The following GSE1 variants were observed in gnomAD, a reference collection of about 807,000 sequenced individuals.
The protein encoded by GSE1 is Gse1 coiled-coil protein, also known as genetic suppressor element 1.
A neutral mutation model predicts 112.6 loss-of-function variants in GSE1; 32 were observed. The ratio of observed to expected loss-of-function variants is 0.28; its 90% CI spans 0.21 to 0.38. GSE1 has a LOEUF of 0.38. Among genes scored for constraint, GSE1 ranks in the 10% least tolerant of loss-of-function variants. The pLI, the probability that GSE1 is intolerant of heterozygous loss-of-function variation, is 1.00. For missense variants in GSE1, 2,348 were observed against 1,699.2 expected, an observed-to-expected ratio of 1.38 and a Z score of -6.71; for synonymous variants, 1,115 against 735.6, an observed-to-expected ratio of 1.52 and a Z score of -8.35.
At chr16:85,361,978 C>T (rs2047091945) in intron 2 of GSE1, among the ~76,000 whole-genome samples, 1 of 152,240 alleles carries the variant, frequency 6.6e-6, no homozygotes, top group Admixed American at 6.5e-5. Context: ...TGGCCAGGCT[C>T]TCACCATGTG....
chr16:85,564,047 G>A (rs180826933), intron 1 of GSE1, among the ~76,000 whole-genome samples: 164 of 152,326 alleles, frequency 1.1e-3, no homozygotes, highest in African/African-American at 3.2e-3. Flanking sequence ...ACTGCGCTGC[G>A]TCAGTCCACT....
chr16:85,309,104 T>G (rs1369298343), intron 1 of GSE1, among the ~76,000 whole-genome samples: 1 of 151,686 alleles, frequency 6.6e-6, no homozygotes, highest in African/African-American at 2.4e-5. Flanking sequence ...GCTGCTGGTC[T>G]CAGCCGGTTT....
chr16:85,202,708 C>T (rs2075049993), intron 1 of GSE1, among the ~76,000 whole-genome samples: 1 of 152,250 alleles, frequency 6.6e-6, no homozygotes, highest in South Asian at 2.1e-4. Context: ...CCTGGGGGGC[C>T]TCTGGCCGGA....
intron 14 of GSE1, among the ~76,000 whole-genome samples, chr16:85,668,952 C>T (rs930913059): frequency 3.3e-5 from 5 of 152,240 alleles, no homozygotes; most frequent in Admixed American, 6.5e-5. Context: ...GAAGGCTTGC[C>T]GCCTCTCAGA....
intron 2 of GSE1, among the ~76,000 whole-genome samples, chr16:85,545,212 C>T (rs1307655533): frequency 1.3e-5 from 2 of 152,208 alleles, no homozygotes; most frequent in African/African-American, 4.8e-5. Context: ...CCAACACAGT[C>T]GCTGTCTGAT....
intron 2 of GSE1, among the ~76,000 whole-genome samples, chr16:85,464,764 C>T (rs539488278): frequency 6.6e-6 from 1 of 152,366 alleles, no homozygotes; most frequent in South Asian, 2.1e-4. Context: ...GCTGGAAGGG[C>T]CCTCACTTTG....
At chr16:85,256,962 T>C (rs912710676) in intron 1 of GSE1, among the ~76,000 whole-genome samples, 1 of 152,192 alleles carries the variant, frequency 6.6e-6, no homozygotes, top group African/African-American at 2.4e-5. Flanking sequence ...GAAGGTTCTT[T>C]CTGTCACGAT....
At chr16:85,647,140 T>C (rs2050939302) in intron 2 of GSE1, among the ~76,000 whole-genome samples, 1 of 152,176 alleles carries the variant, frequency 6.6e-6, no homozygotes, top group Admixed American at 6.5e-5. Flanking sequence ...TCCAAACCCC[T>C]GCCGCACCTG....
chr16:85,312,451 C>G (rs970497520), intron 1 of GSE1, among the ~76,000 whole-genome samples: 6 of 152,156 alleles, frequency 3.9e-5, no homozygotes, highest in Non-Finnish European at 7.3e-5. Context: ...GCTGTATTGC[C>G]CCGATCTCTG....
At chr16:85,612,475 C>T (rs545444578), upstream of GSE1, among the ~76,000 whole-genome samples, 1 of 152,270 alleles carries the variant, frequency 6.6e-6, no homozygotes, top group African/African-American at 2.4e-5. Flanking sequence ...GACCTCGCCT[C>T]TGACCGCAAC....
intron 1 of GSE1, among the ~76,000 whole-genome samples, chr16:85,262,142 C>G (rs529273262): frequency 5.2e-4 from 79 of 152,298 alleles, no homozygotes; most frequent in African/African-American, 1.8e-3. Flanking sequence ...AAACAAGAAG[C>G]CTGCTCTTCA....
intron 1 of GSE1, among the ~76,000 whole-genome samples, chr16:85,338,699 CT>C (rs1382385466): frequency 6.6e-6 from 1 of 152,182 alleles, no homozygotes; most frequent in African/African-American, 2.4e-5. Flanking sequence ...TCTTGAGTCA[CT>C]TTTTTCCCCC....
chr16:85,207,346 A>G (rs1473239414), intron 1 of GSE1, among the ~76,000 whole-genome samples: 1 of 152,110 alleles, frequency 6.6e-6, no homozygotes. Flanking sequence ...GCTGTGCTGC[A>G]CTGGGGGCCC....
intron 1 of GSE1, among the ~76,000 whole-genome samples, chr16:85,226,177 A>G (rs567438068): frequency 4.6e-5 from 7 of 152,184 alleles, no homozygotes; most frequent in Admixed American, 1.3e-4. Flanking sequence ...CAGAGGATCC[A>G]TGGACATGTT....
intron 2 of GSE1, among the ~76,000 whole-genome samples, chr16:85,397,287 C>T (rs141289123): frequency 3.5e-3 from 526 of 152,338 alleles, no homozygotes; most frequent in South Asian, 0.017. Flanking sequence ...GGGCCCAGGG[C>T]CACACAGCAG....
intron 2 of GSE1, among the ~76,000 whole-genome samples, chr16:85,462,200 C>G (rs1168088292): frequency 6.6e-6 from 1 of 152,176 alleles, no homozygotes; most frequent in Non-Finnish European, 1.5e-5. Context: ...CAGGAGGTCC[C>G]CCTGCAGTCT....
At chr16:85,473,956 A>G (rs2050373990) in intron 2 of GSE1, among the ~76,000 whole-genome samples, 1 of 152,086 alleles carries the variant, frequency 6.6e-6, no homozygotes, top group Non-Finnish European at 1.5e-5. Flanking sequence ...CTCCAGACAG[A>G]CGAACAGCCT....
chr16:85,448,741 C>G (rs1169809047), intron 2 of GSE1, among the ~76,000 whole-genome samples: 2 of 152,240 alleles, frequency 1.3e-5, no homozygotes, highest in Non-Finnish European at 2.9e-5. Context: ...GCCCACATCC[C>G]CGGCCCTGCA....
intron 1 of GSE1, among the ~76,000 whole-genome samples, chr16:85,230,191 C>G (rs555909112): frequency 5.9e-5 from 9 of 152,146 alleles, no homozygotes; most frequent in Non-Finnish European, 1.3e-4. Flanking sequence ...CTTGTCTGGC[C>G]TCCTTTAACC....
Sources: allele counts gnomAD v4.1 joint callset (sites outside exome capture counted in the v4.1 genomes callset), GRCh38; gene constraint gnomAD v4.1.1; transcripts MANE v1.5; gene names NCBI Gene and HGNC (gene_info 2026-07-23, HGNC 2026-07-21).